PNPLA8: variants seen among roughly 807,000 people sequenced by gnomAD.
PNPLA8 encodes the protein calcium-independent phospholipase A2-gamma.
In PNPLA8, 39 loss-of-function variants were observed where a neutral mutation model predicts 76.9. That is an observed-to-expected ratio of 0.51 (90% CI 0.39 to 0.66). The LOEUF is 0.66. Ranked by LOEUF, PNPLA8 falls within the 30% of genes least tolerant of loss-of-function variation. PNPLA8 has a pLI of 0.00. For synonymous variants in PNPLA8, 301 were observed against 307.9 expected (o/e 0.98, Z 0.24); for missense variants, 887 against 918.0 (o/e 0.97, Z 0.44).
chr7:108,511,399 G>C (rs1381992495), intron 4 of PNPLA8, among the ~76,000 whole-genome samples: 1 of 152,154 alleles, frequency 6.6e-6, no homozygotes, highest in Non-Finnish European at 1.5e-5. Context: ...TGTGTGTCTT[G>C]ATATGATGCA....
chr7:108,525,930 C>T (rs1864046355), intron 1 of PNPLA8, 99 bp downstream of exon 1: 1 of 469,332 alleles, frequency 2.1e-6, no homozygotes, highest in Non-Finnish European at 2.8e-6. Flanking sequence ...GGGAAGTGCC[C>T]TCCAAAGAAA....
chr7:108,507,076 CTCACGCCT>C (rs1479337547), intron 4 of PNPLA8, among the ~76,000 whole-genome samples: 3 of 152,026 alleles, frequency 2.0e-5, no homozygotes, highest in African/African-American at 7.2e-5. Context: ...GGAGCGGTGG[CTCACGCCT>C]GTAATCCCAG....
intron 8 of PNPLA8, among the ~76,000 whole-genome samples, chr7:108,488,642 T>C (rs1455988321): frequency 6.6e-6 from 1 of 152,228 alleles, no homozygotes; most frequent in Non-Finnish European, 1.5e-5. Context: ...AATTAGTCTT[T>C]GTTTCTGTGC....
At chr7:108,498,732 C>T (rs1038324055) in intron 5 of PNPLA8, among the ~76,000 whole-genome samples, 8 of 151,940 alleles carry the variant, frequency 5.3e-5, no homozygotes, top group African/African-American at 1.2e-4. Flanking sequence ...TGAAGGAATG[C>T]GAAACGATGA....
chr7:108,491,424 G>A lies in PNPLA8; in HGVS notation c.1669C>T (p.Pro557Ser). The A allele has an allele frequency of 6.2e-7, 1 of 1,603,294 alleles. No individual in the cohort carries two copies. Among genetic ancestry groups the A allele is most frequent in the Non-Finnish European group, 8.5e-7 (1 of 1,170,122 alleles). The change falls in exon 8 of 11, where the codon CCC (proline) becomes TCC (serine). Residue 557 changes from proline (P) to serine (S), a missense_variant. Physicochemically the swap from Pro to Ser is moderately conservative, Grantham distance 74. Transcript: ENST00000257694. Reference protein sequence around the residue: ...SALMIETARNPTCPKVAAVST... With the variant: ...SALMIETARNSTCPKVAAVST... Reference sequence around the variant, plus strand: ...TCTAAGCTTACCTTAGGACATGTGGGGTTTCTTGCTGTTTCAATCATCAGT... The same window carrying A: ...TCTAAGCTTACCTTAGGACATGTGGAGTTTCTTGCTGTTTCAATCATCAGT...
chr7:108,515,206 T>C lies in PNPLA8; in HGVS notation c.286A>G (p.Lys96Glu), dbSNP rs146238264. The part of the protein sequence containing the change: ...LSTSAPKGLT[K>E]VNICMSRIKS... ...ATACGGGACATACAAATGTTCACTT[T>C]TGTAAGTCCCTTGGGAGCAGAAGTG... Residue 96 changes from lysine (K) to glutamate (E), a missense_variant, in exon 3 of 11, where the codon AAA (lysine) becomes GAA (glutamate). By Grantham distance (56) the Lys-to-Glu change is moderately conservative. Transcript: ENST00000257694. 1.9e-6 allele frequency: 3 copies of C among 1,604,542 alleles called. No homozygotes were observed. The highest frequency in any genetic ancestry group is 2.6e-6 in the Non-Finnish European group (3 of 1,173,788).
rs1563924508 is a variant in PNPLA8, at chr7:108,472,655, C to T, written c.2095G>A (p.Gly699Ser). 1 of 1,587,212 alleles carries T rather than the reference C, an allele frequency of 6.3e-7. No individual in the cohort carries two copies. The highest frequency in any genetic ancestry group is 8.5e-7 in the Non-Finnish European group (1 of 1,172,284). Reference sequence around the variant, plus strand: ...AAATAGGTGTCAGGAGGTAACAGGCCATCAAGCATTATATGGACTTCTGTT... The same window carrying T: ...AAATAGGTGTCAGGAGGTAACAGGCTATCAAGCATTATATGGACTTCTGTT... Reference protein sequence around the residue: ...DTEEVHIMLDGLLPPDTYFRF... With the variant: ...DTEEVHIMLDSLLPPDTYFRF... The change falls in exon 11 of 11, where the codon GGC becomes AGC. Residue 699 changes from glycine (G) to serine (S), a missense_variant. Transcript: ENST00000257694.
At chr7:108,509,462 C>G (rs1376473365) in intron 4 of PNPLA8, among the ~76,000 whole-genome samples, 5 of 149,330 alleles carry the variant, frequency 3.3e-5, no homozygotes, top group Non-Finnish European at 7.4e-5. Flanking sequence ...AAATGCAAAT[C>G]AAAACCACAA....
At chr7:108,484,502 A>C (rs989757906) in intron 9 of PNPLA8, among the ~76,000 whole-genome samples, 9 of 152,138 alleles carry the variant, frequency 5.9e-5, no homozygotes, top group Admixed American at 5.9e-4. Context: ...CTGGGATTAC[A>C]GGTGTAAGCC....
At chr7:108,504,272 C>G (rs1269293501) in intron 4 of PNPLA8, among the ~76,000 whole-genome samples, 1 of 152,082 alleles carries the variant, frequency 6.6e-6, no homozygotes, top group Non-Finnish European at 1.5e-5. Context: ...AAAACTATAA[C>G]GTATGTGAAT....
intron 9 of PNPLA8, among the ~76,000 whole-genome samples, chr7:108,480,940 CACT>C (rs893790373): frequency 2.0e-5 from 3 of 152,090 alleles, no homozygotes; most frequent in African/African-American, 7.2e-5. Context: ...TGTTTTCTGC[CACT>C]ACTAAGGAGG....
intron 7 of PNPLA8, 55 bp from the exon 8 acceptor site, chr7:108,491,522 A>T: frequency 9.4e-7 from 1 of 1,067,720 alleles, no homozygotes; most frequent in Non-Finnish European, 1.5e-6. Flanking sequence ...TCTCCTAACA[A>T]CCAGGAAACA....
intron 2 of PNPLA8, 59 bp from the exon 3 acceptor site, chr7:108,515,633 G>T (rs1863284466): frequency 1.0e-6 from 1 of 985,312 alleles, no homozygotes; most frequent in African/African-American, 1.7e-5. Flanking sequence ...GGGTATAACA[G>T]AAAACACAAG....
intron 4 of PNPLA8, among the ~76,000 whole-genome samples, chr7:108,511,299 T>G (rs959252651): frequency 6.6e-6 from 1 of 152,212 alleles, no homozygotes; most frequent in Non-Finnish European, 1.5e-5. Flanking sequence ...ATAATGCTTC[T>G]AGCACAATTG....
At position 108,487,780 on chromosome 7, in the gene PNPLA8, T is replaced by G. The variant is rs1860847641; in HGVS notation, c.1857A>C (p.Ala619=). ...SAAPGYFAEY[A]LGNDLHQDGG... ...TTACTTGATGAAGATCATTTCCCAA[T>G]GCATATTCTGCAAAGTAGCCTGGAG... Residue 619 remains alanine (A), a synonymous_variant, in exon 9 of 11, where the codon GCA becomes GCC. Transcript: ENST00000257694. The G allele has an allele frequency of 6.2e-7, 1 of 1,607,184 alleles. No homozygotes were observed. The highest frequency in any genetic ancestry group is 8.5e-7 in the Non-Finnish European group (1 of 1,177,246).
intron 4 of PNPLA8, among the ~76,000 whole-genome samples, chr7:108,503,774 A>T (rs1598927664): frequency 1.3e-5 from 2 of 152,144 alleles, no homozygotes; most frequent in Non-Finnish European, 2.9e-5. Context: ...AAAGTAAAGG[A>T]CCAAAAAAGT....
intron 10 of PNPLA8, among the ~76,000 whole-genome samples, chr7:108,474,014 T>C (rs1052467245): frequency 3.3e-5 from 5 of 152,120 alleles, no homozygotes; most frequent in Non-Finnish European, 7.3e-5. Context: ...TATATATACA[T>C]ACATATGTTA....
At chr7:108,515,740 T>A (rs550066644) in intron 2 of PNPLA8, among the ~76,000 whole-genome samples, 166 bp from the exon 3 acceptor site, 18 of 152,256 alleles carry the variant, frequency 1.2e-4, no homozygotes, top group Admixed American at 6.5e-4. Flanking sequence ...TAATAGAAAA[T>A]AATTCACTTT....
At chr7:108,516,571 C>T (rs1863357699) in intron 2 of PNPLA8, among the ~76,000 whole-genome samples, 1 of 152,098 alleles carries the variant, frequency 6.6e-6, no homozygotes, top group Non-Finnish European at 1.5e-5. Context: ...ATGCACAATA[C>T]ACAAAAGAAA....
Sources: allele counts gnomAD v4.1 joint callset (sites outside exome capture counted in the v4.1 genomes callset), GRCh38; gene constraint gnomAD v4.1.1; transcripts MANE v1.5; gene names NCBI Gene and HGNC (gene_info 2026-07-23, HGNC 2026-07-21).